Variants in SMC6 observed in about 807,000 individuals in gnomAD.
The protein encoded by SMC6 is structural maintenance of chromosomes 6.
In SMC6, 79 loss-of-function variants were observed where a neutral mutation model predicts 142.2. The observed-to-expected ratio is 0.56, with a 90% CI of 0.46 to 0.67. The LOEUF (loss-of-function observed/expected upper bound fraction) is 0.67, where lower values mean the gene tolerates loss of function less well. SMC6 is among the 30% of genes least tolerant of loss of function. SMC6 has a pLI of 0.00. For missense variants in SMC6, 1,072 were observed against 1,284.0 expected, an observed-to-expected ratio of 0.83 and a Z score of 2.52; for synonymous variants, 411 against 412.4, an observed-to-expected ratio of 1.00 and a Z score of 0.04.
In SMC6 at chr2:17,683,636, A is replaced by C; in HGVS notation, c.2804+2T>G. 6.2e-7 allele frequency: 1 copy of C among 1,606,566 alleles called. No homozygotes were observed. The highest frequency in any genetic ancestry group is 8.5e-7 in the Non-Finnish European group (1 of 1,176,102). On this transcript the variant is annotated splice_donor_variant, in intron 24 of 27. Transcript: ENST00000448223. LOFTEE classifies it high-confidence loss of function. ...TATAGTAACATTTTTCAATGTACTT[A>C]CCTTCTAAATTGTTGATATGTCTTG...
At chr2:17,669,377 G>C (rs1308989612) in intron 26 of SMC6, among the ~76,000 whole-genome samples, 2 of 152,144 alleles carry the variant, frequency 1.3e-5, no homozygotes, top group African/African-American at 2.4e-5. Flanking sequence ...GAGTTGATAG[G>C]TATCTGTCCA....
Position 17,700,234 on chromosome 2 carries a change from G to T in SMC6, c.2368C>A (p.Leu790Ile), listed in dbSNP as rs1668203170. ...TTAAGTGGGTCTGCTAGCTCCGATA[G>T]TTGATTAATTTTGAATTTAATTGCA... ...YDAIKFKINQ[L>I]SELADPLKDE... is the part of the protein sequence containing the mutation. Residue 790 changes from leucine (L) to isoleucine (I), a missense_variant, in exon 21 of 28, where the codon CTA becomes ATA. By Grantham distance (5) the Leu-to-Ile change is conservative. Coordinates refer to ENST00000448223, the MANE Select transcript of SMC6 (RefSeq NM_001142286.2). 6.2e-7 allele frequency: 1 copy of T among 1,606,770 alleles called. No homozygotes were observed. The highest frequency in any genetic ancestry group is 1.7e-5 in the Admixed American group (1 of 59,196).
intron 21 of SMC6, among the ~76,000 whole-genome samples, chr2:17,699,290 C>T (rs940096171): frequency 2.6e-5 from 4 of 152,110 alleles, no homozygotes; most frequent in Admixed American, 2.6e-4. Flanking sequence ...CCACTTCCAT[C>T]TGGTCTCCAT....
rs752191059 is a variant in SMC6, at chr2:17,701,357, G to A, written c.2223+472C>T. Among the ~76,000 whole-genome samples the A allele has an allele frequency of 2.6e-5, 4 of 151,366 alleles. No homozygotes were observed. The East Asian group carries it at 5.8e-4, about 22-fold the overall frequency. On this transcript the variant is annotated intron_variant, in intron 20 of 27. Transcript: ENST00000448223. ...AGCTAAGTGTCATAAACAGATTCCC[G>A]AAAAAAAGATTACAGTAAAAAATGC...
rs768149601 is a variant in SMC6, at chr2:17,723,019, GAAAGGAAAAA to G, written c.727-1768_727-1759del. On this transcript the variant is annotated intron_variant, in intron 9 of 27. Coordinates refer to ENST00000448223, the MANE Select transcript of SMC6 (RefSeq NM_001142286.2). Reference sequence around the variant, plus strand: ...TTTCTTAAAAAAAAAAAAAAGAAAAGAAAGGAAAAAAAAAGAAAAACTGGCTTTTCTTCCC... The same window carrying G: ...TTTCTTAAAAAAAAAAAAAAGAAAAGAAAAGAAAAACTGGCTTTTCTTCCC... Among the ~76,000 whole-genome samples, 714 of 143,500 alleles carry G rather than the reference GAAAGGAAAAA, an allele frequency of 5.0e-3. 4 individuals are homozygous for G. The highest frequency in any genetic ancestry group is 0.017 in the African/African-American group (662 of 38,790). The allele number at this position is 143,500 out of a possible 152,430, so 94.1% of individuals were successfully genotyped here. A position where few individuals can be genotyped will look rare whatever the true frequency, so the allele number is the denominator to read the frequency against.
At chr2:17,730,206 T>C (rs1669838338) in intron 7 of SMC6, among the ~76,000 whole-genome samples, 1 of 152,202 alleles carries the variant, frequency 6.6e-6, no homozygotes, top group South Asian at 2.1e-4. Flanking sequence ...CTAAAGGTAA[T>C]TCTTGTGTAA....
intron 5 of SMC6, among the ~76,000 whole-genome samples, chr2:17,733,470 G>C (rs1455679368): frequency 6.6e-6 from 1 of 152,158 alleles, no homozygotes; most frequent in Non-Finnish European, 1.5e-5. Flanking sequence ...TGTACCAATG[G>C]TAATTGTATA....
At chr2:17,696,143 T>C (rs1667976415) in intron 22 of SMC6, 146 bp downstream of exon 22, 26 of 982,528 alleles carry the variant, frequency 2.6e-5, no homozygotes, top group Non-Finnish European at 3.6e-5. Context: ...CCTCTTCTGT[T>C]GATTCACCCA....
intron 3 of SMC6, among the ~76,000 whole-genome samples, chr2:17,744,810 A>G (rs1670657682): frequency 6.6e-6 from 1 of 152,180 alleles, no homozygotes; most frequent in Non-Finnish European, 1.5e-5. Flanking sequence ...TTTATCAAAC[A>G]CTTTTGCTGC....
chr2:17,716,852 C>T lies in SMC6; in HGVS notation c.1235G>A (p.Trp412Ter). 1 of 1,612,718 alleles carries T rather than the reference C, an allele frequency of 6.2e-7. No individual in the cohort carries two copies. Among genetic ancestry groups the T allele is most frequent in the Non-Finnish European group, 8.5e-7 (1 of 1,179,636 alleles). ...AAAGGCCTTTACTCTCTCTTTTAAC[C>T]AAGATATTTTTTTTTGTCTTTCCAA... Reference protein sequence around the residue: ...ERLERQKKISWLKERVKAFQN... With the variant: ...ERLERQKKIS The change falls in exon 14 of 28, where the codon TGG (tryptophan) becomes TAG (stop). Residue 412 changes from tryptophan to a stop codon, truncating the protein, a stop_gained. Transcript: ENST00000448223. LOFTEE classifies it high-confidence loss of function.
chr2:17,734,736 CT>C (rs951410624), intron 5 of SMC6, among the ~76,000 whole-genome samples: 1 of 74,898 alleles, frequency 1.3e-5, no homozygotes, highest in South Asian at 2.6e-4. Flanking sequence ...ATTTTCTTTT[CT>C]TTTTTTCTTT....
In SMC6 at chr2:17,702,620, G is replaced by A. The variant is rs531343605; in HGVS notation, c.2142+537C>T. 2.0e-5 allele frequency among the ~76,000 whole-genome samples: 3 copies of A among 152,222 alleles called. No individual in the cohort carries two copies. The East Asian group carries it at 5.8e-4, about 29-fold the overall frequency. ...TGTGTCCCTACCCAGATCTCACCTT[G>A]AATTTAAGTTCCCATAATCCCATGT... On this transcript the variant is annotated intron_variant, in intron 19 of 27. Coordinates refer to ENST00000448223, the MANE Select transcript of SMC6 (RefSeq NM_001142286.2).
chr2:17,731,225 AT>A, intron 6 of SMC6, 86 bp from the exon 7 acceptor site: 3 of 875,412 alleles, frequency 3.4e-6, no homozygotes, highest in Non-Finnish European at 3.7e-6. Context: ...AAATATAAAT[AT>A]TAGTTAGCTT....
At chr2:17,697,382 T>C (rs1269962311) in intron 21 of SMC6, among the ~76,000 whole-genome samples, 2 of 151,908 alleles carry the variant, frequency 1.3e-5, no homozygotes, top group African/African-American at 4.8e-5. Flanking sequence ...TACAGGTCAA[T>C]ACAAAATTCA....
At chr2:17,670,623 G>A in intron 25 of SMC6, 48 bp from the exon 26 acceptor site, 2 of 1,465,668 alleles carry the variant, frequency 1.4e-6, no homozygotes, top group South Asian at 1.4e-5. Flanking sequence ...GTAAATGAAA[G>A]GCCAGATTAA....
At chr2:17,743,166 C>T (rs1204520114) in intron 3 of SMC6, among the ~76,000 whole-genome samples, 3 of 152,084 alleles carry the variant, frequency 2.0e-5, no homozygotes, top group African/African-American at 7.2e-5. Context: ...GTTCCTTTGC[C>T]TTTTCACCTA....
chr2:17,700,235 T>C lies in SMC6; in HGVS notation c.2367A>G (p.Gln789=), dbSNP rs745997230. The C allele has an allele frequency of 5.6e-6, 9 of 1,607,260 alleles. No homozygotes were observed. The highest frequency in any genetic ancestry group is 5.1e-5 in the Admixed American group (3 of 59,218). The part of the protein sequence containing the change: ...KYDAIKFKIN[Q]LSELADPLKD... ...TAAGTGGGTCTGCTAGCTCCGATAG[T>C]TGATTAATTTTGAATTTAATTGCAT... The change falls in exon 21 of 28, where the codon CAA becomes CAG. Residue 789 remains glutamine, a synonymous_variant. Coordinates refer to ENST00000448223, the MANE Select transcript of SMC6 (RefSeq NM_001142286.2).
chr2:17,747,511 T>A (rs1176386268), intron 2 of SMC6, among the ~76,000 whole-genome samples: 48 of 148,946 alleles, frequency 3.2e-4, no homozygotes, highest in African/African-American at 1.2e-3. Flanking sequence ...TTCTTTCTTT[T>A]TTTTTTTTTT....
At chr2:17,720,530 G>C (rs1669316829) in intron 11 of SMC6, among the ~76,000 whole-genome samples, 1 of 152,120 alleles carries the variant, frequency 6.6e-6, no homozygotes, top group African/African-American at 2.4e-5. Context: ...TTTCAGTTCT[G>C]AGTTCTCATA....
Sources: allele counts gnomAD v4.1 joint callset (sites outside exome capture counted in the v4.1 genomes callset), GRCh38; gene constraint gnomAD v4.1.1; transcripts MANE v1.5; gene names NCBI Gene and HGNC (gene_info 2026-07-23, HGNC 2026-07-21).